SRGAP3: variants seen among roughly 807,000 people sequenced by gnomAD.
The protein encoded by SRGAP3 is SLIT-ROBO Rho GTPase activating protein 3, also known as SLIT-ROBO Rho GTPase-activating protein 3.
Under a neutral mutation model 121.1 loss-of-function variants are expected in SRGAP3, and 39 were observed. That is an observed-to-expected ratio of 0.32 (90% confidence interval 0.25 to 0.42). The LOEUF (loss-of-function observed/expected upper bound fraction) is 0.42, where lower values mean the gene tolerates loss of function less well. SRGAP3 is among the 10% of genes least tolerant of loss of function. SRGAP3 has a pLI of 1.00. For missense variants in SRGAP3, 1,213 were observed against 1,470.6 expected (o/e 0.82, Z 2.86); for synonymous variants, 601 against 570.0 (o/e 1.05, Z -0.77).
intron 2 of SRGAP3, among the ~76,000 whole-genome samples, chr3:9,121,677 T>C (rs1005153483): frequency 1.3e-5 from 2 of 152,170 alleles, no homozygotes; most frequent in African/African-American, 4.8e-5. Flanking sequence ...GCCGAGCTCA[T>C]TATAGGTGAT....
intron 3 of SRGAP3, among the ~76,000 whole-genome samples, chr3:9,285,271 G>A (rs1042769041): frequency 1.4e-4 from 21 of 152,282 alleles, no homozygotes; most frequent in Admixed American, 5.2e-4. Context: ...GCTGTGTAGC[G>A]AAGAGATGGC....
At chr3:8,994,239 G>T in intron 19 of SRGAP3, 104 bp downstream of exon 19, 1 of 1,438,190 alleles carries the variant, frequency 7.0e-7, no homozygotes. Flanking sequence ...TGATATCAAG[G>T]AGAGCAAATT....
rs141860335 is a variant in SRGAP3 at position 8,981,723 on chromosome 3, T to C, written c.*3796A>G. 46 of 230,840 alleles carry C rather than the reference T, an allele frequency of 2.0e-4. No homozygotes were observed. Among genetic ancestry groups the C allele is most frequent in the African/African-American group, 8.8e-4 (40 of 45,322 alleles). The allele number at this position is 230,840 out of a possible 1,614,324, so 14.3% of individuals were successfully genotyped here. ...TTTAAATGTTTATAAGGCAGATCTC[T>C]GAACTGCTGGTTCCAGCCGATAGCC... On this transcript the variant is annotated 3_prime_UTR_variant, in exon 22 of 22. Coordinates refer to ENST00000383836, the MANE Select transcript of SRGAP3 (RefSeq NM_014850.4).
chr3:9,130,624 G>GC (rs1344409807), intron 1 of SRGAP3, among the ~76,000 whole-genome samples: 1 of 152,146 alleles, frequency 6.6e-6, no homozygotes, highest in East Asian at 1.9e-4. Context: ...CTAGACCGAG[G>GC]CCCCTACAGG....
chr3:9,088,134 T>C (rs1217007293), intron 3 of SRGAP3, among the ~76,000 whole-genome samples: 1 of 152,166 alleles, frequency 6.6e-6, no homozygotes, highest in Non-Finnish European at 1.5e-5. Flanking sequence ...AGCGACACCA[T>C]ACCCAGCCCT....
chr3:9,190,293 G>C (rs1404293638), intron 1 of SRGAP3, among the ~76,000 whole-genome samples: 3 of 152,220 alleles, frequency 2.0e-5, no homozygotes, highest in Non-Finnish European at 4.4e-5. Context: ...GGAGTGGAAA[G>C]TCCTAGTTAC....
At chr3:9,149,711 A>G (rs1265654622) in intron 1 of SRGAP3, among the ~76,000 whole-genome samples, 1 of 152,240 alleles carries the variant, frequency 6.6e-6, no homozygotes, top group African/African-American at 2.4e-5. Flanking sequence ...AACCTCAGAC[A>G]TGCAAGTAAT....
chr3:9,205,559 G>C (rs534147877), intron 1 of SRGAP3, among the ~76,000 whole-genome samples: 1 of 152,196 alleles, frequency 6.6e-6, no homozygotes, highest in Admixed American at 6.5e-5. Context: ...CAATAAATGA[G>C]TCAGCCCCAC....
intron 1 of SRGAP3, among the ~76,000 whole-genome samples, chr3:9,216,293 T>A (rs1706579): frequency 0.18 from 28,029 of 152,036 alleles, 2,698 homozygotes; most frequent in East Asian, 0.35. Context: ...GAATACAAAA[T>A]TATGGGCATA....
intron 1 of SRGAP3, among the ~76,000 whole-genome samples, chr3:9,213,071 C>T (rs1042183335): frequency 4.6e-5 from 7 of 152,158 alleles, no homozygotes; most frequent in Admixed American, 1.3e-4. Flanking sequence ...CCCCACTTCT[C>T]GACCTGGTGT....
chr3:9,336,294 G>A (rs1373063890), intron 1 of SRGAP3, among the ~76,000 whole-genome samples: 1 of 150,324 alleles, frequency 6.7e-6, no homozygotes, highest in Non-Finnish European at 1.5e-5. Context: ...ATAGCTCACT[G>A]TAACCTCAAA....
At chr3:9,236,803 T>C (rs1953427854) in intron 1 of SRGAP3, among the ~76,000 whole-genome samples, 1 of 152,224 alleles carries the variant, frequency 6.6e-6, no homozygotes, top group Non-Finnish European at 1.5e-5. Flanking sequence ...AGATTAACAC[T>C]GTCTTTTCAT....
At chr3:9,116,218 C>G (rs1305458909) in intron 2 of SRGAP3, among the ~76,000 whole-genome samples, 1 of 152,164 alleles carries the variant, frequency 6.6e-6, no homozygotes, top group African/African-American at 2.4e-5. Flanking sequence ...ACTGGAACGT[C>G]CTTAAGGTTG....
chr3:9,260,257 T>G (rs1018866352), intron 3 of SRGAP3, among the ~76,000 whole-genome samples: 3 of 151,924 alleles, frequency 2.0e-5, no homozygotes, highest in Admixed American at 6.6e-5. Flanking sequence ...CTGCAGGAGT[T>G]TTTTTCGTAC....
At chr3:9,144,070 G>A (rs539727637) in intron 1 of SRGAP3, among the ~76,000 whole-genome samples, 2 of 151,464 alleles carry the variant, frequency 1.3e-5, no homozygotes, top group East Asian at 3.9e-4. Context: ...AATATTTTCA[G>A]ATCAATTCTT....
chr3:9,349,267 C>T, intron 1 of SRGAP3: 1 of 507,208 alleles, frequency 2.0e-6, no homozygotes, highest in South Asian at 1.8e-5. Flanking sequence ...CCCTCCTGCA[C>T]ATGTCACACT....
In SRGAP3 at chr3:9,015,748, G is replaced by C; in HGVS notation, c.1679-17C>G. On this transcript the variant is annotated splice_polypyrimidine_tract_variant and intron_variant, in intron 14 of 21. Transcript: ENST00000383836. ...GGTCTTCACCTGAGTGGAAACAAGAGACGAGATGATATTTCAGCTTGGGAA... is the reference window on the plus strand; with the variant it reads ...GGTCTTCACCTGAGTGGAAACAAGACACGAGATGATATTTCAGCTTGGGAA... The C allele has an allele frequency of 6.2e-7, 1 of 1,614,028 alleles. No homozygotes were observed. Among genetic ancestry groups the C allele is most frequent in the Non-Finnish European group, 8.5e-7 (1 of 1,180,016 alleles).
intron 17 of SRGAP3, among the ~76,000 whole-genome samples, chr3:9,011,016 A>C (rs1574902291): frequency 7.1e-6 from 1 of 140,266 alleles, no homozygotes; most frequent in East Asian, 2.1e-4. Context: ...TTCTTGAGGC[A>C]AGGGTTAATT....
chr3:9,052,878 G>A lies in SRGAP3; in HGVS notation c.1323+149C>T, dbSNP rs1478522689. The A allele has an allele frequency of 5.3e-6, 5 of 940,824 alleles. No individual in the cohort carries two copies. The Admixed American group carries it at 8.6e-5, about 16-fold the overall frequency. The allele number at this position is 940,824 out of a possible 1,614,324, so 58.3% of individuals were successfully genotyped here. A position where few individuals can be genotyped will look rare whatever the true frequency, so the allele number is the denominator to read the frequency against. ...TCTGCATTTCAGAAAACCAAGCCAG[G>A]CAACTTAATTTTAAAAGCATGGTGA... On this transcript the variant is annotated intron_variant, in intron 9 of 21. Coordinates refer to ENST00000383836, the MANE Select transcript of SRGAP3 (RefSeq NM_014850.4).
Sources: gnomAD v4.1 joint callset for allele counts (sites outside exome capture counted in the v4.1 genomes callset) on GRCh38, gnomAD v4.1.1 for gene constraint, MANE v1.5 for transcripts, NCBI Gene and HGNC (gene_info 2026-07-23, HGNC 2026-07-21) for gene names.